The following PCDH15 variants were observed in gnomAD, a reference collection of about 807,000 sequenced individuals.
PCDH15 encodes protocadherin-15.
PCDH15 carries 129 observed loss-of-function variants against 178.5 expected under a neutral mutation model. That is an observed-to-expected ratio of 0.72 (90% confidence interval 0.63 to 0.84). The LOEUF (loss-of-function observed/expected upper bound fraction) is 0.84. PCDH15 is among the 40% of genes least tolerant of loss of function. PCDH15 has a pLI of 0.00. For synonymous variants in PCDH15, 800 were observed against 732.0 expected (o/e 1.09, Z -1.50); for missense variants, 2,230 against 2,099.9 (o/e 1.06, Z -1.21).
chr10:54,497,930 C>T (rs565784886), intron 3 of PCDH15, among the ~76,000 whole-genome samples: 4 of 151,886 alleles, frequency 2.6e-5, no homozygotes, highest in Non-Finnish European at 5.9e-5. Flanking sequence ...GAGGGGGTGA[C>T]ATGACAATTT....
chr10:54,327,899 G>A (rs12571998), intron 7 of PCDH15, among the ~76,000 whole-genome samples: 33,664 of 151,824 alleles, frequency 0.22, 3,846 homozygotes, highest in African/African-American at 0.27. Flanking sequence ...GTCTCCACAC[G>A]TGCACATCCT....
At chr10:54,233,987 C>T (rs1175252362) in intron 9 of PCDH15, among the ~76,000 whole-genome samples, 1 of 152,078 alleles carries the variant, frequency 6.6e-6, no homozygotes, top group Non-Finnish European at 1.5e-5. Context: ...CTGTCTATAA[C>T]AAATGGAAGC....
At chr10:55,149,936 T>C (rs1488188266) in intron 2 of PCDH15, among the ~76,000 whole-genome samples, 1 of 151,710 alleles carries the variant, frequency 6.6e-6, no homozygotes, top group African/African-American at 2.4e-5. Context: ...CACCTGAAAA[T>C]TGGGAGCATT....
intron 1 of PCDH15, among the ~76,000 whole-genome samples, chr10:54,696,796 A>C (rs2135882270): frequency 6.6e-6 from 1 of 152,190 alleles, no homozygotes; most frequent in Middle Eastern, 3.4e-3. Flanking sequence ...TAATACTTCC[A>C]TAGCTATCCT....
intron 1 of PCDH15, among the ~76,000 whole-genome samples, chr10:55,268,037 G>A (rs1469428458): frequency 2.0e-5 from 3 of 152,142 alleles, no homozygotes; most frequent in Non-Finnish European, 2.9e-5. Context: ...TATTGTTGTC[G>A]TGCACTGAAA....
chr10:53,905,259 C>T lies in PCDH15; in HGVS notation c.3374-1889G>A, dbSNP rs745839775. On this transcript the variant is annotated intron_variant, in intron 25 of 37. Coordinates refer to ENST00000644397, the MANE Select transcript of PCDH15 (RefSeq NM_001384140.1). The stretch of plus-strand genomic sequence containing the variant: ...TAATGTGTCCTGCATTCTGATATAA[C>T]AAAGACATCACAAAATACAAATAGG... The T allele has an allele frequency of 3.7e-5, 19 of 516,792 alleles. 1 individual carries two copies. The highest frequency in any genetic ancestry group is 2.7e-4 in the South Asian group (19 of 71,314). 32.0% of individuals were successfully genotyped at this position (516,792 alleles called of 1,614,324 possible). A position where few individuals can be genotyped will look rare whatever the true frequency, so the allele number is the denominator to read the frequency against.
intron 3 of PCDH15, among the ~76,000 whole-genome samples, chr10:54,467,573 C>A (rs1464264143): frequency 7.2e-5 from 4 of 55,854 alleles, no homozygotes; most frequent in African/African-American, 2.1e-4. Context: ...TATTTTGCAT[C>A]TTTGTTCATC....
At position 55,121,133 on chromosome 10, in the gene PCDH15, T is replaced by C. The variant is rs183980380; in HGVS notation, c.-80+45443A>G. Among the ~76,000 whole-genome samples, 312 of 152,278 alleles carry C rather than the reference T, an allele frequency of 2.0e-3. 1 individual carries two copies. The highest frequency in any genetic ancestry group is 7.4e-3 in the African/African-American group (306 of 41,558). ...CCGAACTCATGGGGATGCGGTGCTT[T>C]AGAGCCTTAGGGTTGGAAACCCTTC... On this transcript the variant is annotated intron_variant, in intron 2 of 5. Coordinates refer to the PCDH15 transcript ENST00000458638.
At chr10:55,083,609 C>T (rs1479207944) in intron 2 of PCDH15, among the ~76,000 whole-genome samples, 1 of 151,582 alleles carries the variant, frequency 6.6e-6, no homozygotes, top group Non-Finnish European at 1.5e-5. Flanking sequence ...AAATTGAAAA[C>T]AAAAGAGTGA....
intron 3 of PCDH15, among the ~76,000 whole-genome samples, chr10:54,400,796 A>C (rs1951833599): frequency 6.6e-6 from 1 of 151,990 alleles, no homozygotes; most frequent in Admixed American, 6.6e-5. Flanking sequence ...AAATATCACC[A>C]AAATTAAACA....
rs1428365070 is a variant in PCDH15, at chr10:54,438,628, C to T, written c.158-59686G>A. Among the ~76,000 whole-genome samples, 3 of 152,108 alleles carry T rather than the reference C, an allele frequency of 2.0e-5. No homozygotes were observed. The East Asian group carries it at 5.8e-4, about 29-fold the overall frequency. Reference sequence around the variant, plus strand: ...AAGCCAGAAGCAGGTAACAACTTGCCATGTTTAGCTTCATCTTGAAACTCT... The same window carrying T: ...AAGCCAGAAGCAGGTAACAACTTGCTATGTTTAGCTTCATCTTGAAACTCT... On this transcript the variant is annotated intron_variant, in intron 3 of 37. Coordinates refer to ENST00000644397, the MANE Select transcript of PCDH15 (RefSeq NM_001384140.1).
At chr10:54,976,595 G>A (rs951573930) in intron 2 of PCDH15, among the ~76,000 whole-genome samples, 1 of 152,122 alleles carries the variant, frequency 6.6e-6, no homozygotes, top group Non-Finnish European at 1.5e-5. Flanking sequence ...TTGTGGTAAT[G>A]TCAGTCTGAA....
intron 2 of PCDH15, among the ~76,000 whole-genome samples, chr10:55,532,678 A>C (rs1841479995): frequency 6.6e-6 from 1 of 152,046 alleles, no homozygotes; most frequent in African/African-American, 2.4e-5. Context: ...CTAGTGGTGT[A>C]GGAGGTGACA....
chr10:54,171,498 C>G (rs1284957158), intron 13 of PCDH15, among the ~76,000 whole-genome samples: 2 of 151,958 alleles, frequency 1.3e-5, no homozygotes, highest in Admixed American at 6.5e-5. Context: ...GTCATCCCTA[C>G]TATCTTCTGT....
At chr10:55,498,140 A>G (rs1840577527) in intron 2 of PCDH15, among the ~76,000 whole-genome samples, 1 of 151,902 alleles carries the variant, frequency 6.6e-6, no homozygotes, top group African/African-American at 2.4e-5. Context: ...AAATGTTTCT[A>G]AACATCTTTA....
At chr10:55,480,435 T>G (rs1840155457) in intron 2 of PCDH15, among the ~76,000 whole-genome samples, 2 of 151,918 alleles carry the variant, frequency 1.3e-5, no homozygotes, top group South Asian at 4.1e-4. Context: ...CTCCCAGCTC[T>G]TCCCCATTTA....
chr10:54,580,478 C>G (rs2090935516), intron 2 of PCDH15, among the ~76,000 whole-genome samples: 1 of 151,850 alleles, frequency 6.6e-6, no homozygotes, highest in African/African-American at 2.4e-5. Flanking sequence ...ACTAATGTCC[C>G]TGACCAGGTG....
At chr10:55,078,940 T>C (rs1841974519) in intron 2 of PCDH15, among the ~76,000 whole-genome samples, 1 of 152,202 alleles carries the variant, frequency 6.6e-6, no homozygotes, top group Non-Finnish European at 1.5e-5. Flanking sequence ...ATTTTCATTC[T>C]ATTCAATGAG....
intron 2 of PCDH15, among the ~76,000 whole-genome samples, chr10:55,417,166 C>T (rs146302882): frequency 5.9e-5 from 9 of 151,920 alleles, no homozygotes; most frequent in African/African-American, 1.9e-4. Flanking sequence ...TTTATTGGCA[C>T]ATAGCCACTC....
Sources: gnomAD v4.1 joint callset for allele counts (sites outside exome capture counted in the v4.1 genomes callset) on GRCh38, gnomAD v4.1.1 for gene constraint, MANE v1.5 for transcripts, NCBI Gene and HGNC (gene_info 2026-07-23, HGNC 2026-07-21) for gene names.